The following FLNB variants were observed in gnomAD, a reference collection of about 807,000 sequenced individuals.
FLNB encodes the protein filamin B.
FLNB carries 111 observed loss-of-function variants against 250.6 expected under a neutral mutation model. That is an observed-to-expected ratio of 0.44 (90% CI 0.38 to 0.52). The LOEUF is 0.52. Ranked by LOEUF, FLNB falls within the 20% of genes least tolerant of loss-of-function variation. FLNB has a pLI of 0.00. For synonymous variants in FLNB, 1,302 were observed against 1,372.1 expected, an observed-to-expected ratio of 0.95 and a Z score of 1.13; for missense variants, 2,869 against 3,447.8, an observed-to-expected ratio of 0.83 and a Z score of 4.20.
intron 1 of FLNB, among the ~76,000 whole-genome samples, chr3:58,066,261 G>C (rs2097185580): frequency 7.2e-6 from 1 of 139,424 alleles, no homozygotes; most frequent in East Asian, 2.0e-4. Flanking sequence ...GTTGCCCAGT[G>C]GCAACAAGAG....
intron 38 of FLNB, among the ~76,000 whole-genome samples, chr3:58,152,293 C>A (rs1040191271): frequency 2.0e-5 from 3 of 152,188 alleles, no homozygotes; most frequent in African/African-American, 2.4e-5. Context: ...TTTTGCGGGG[C>A]ATCTTTGTCA....
In FLNB at chr3:58,170,866, C is replaced by A; in HGVS notation, c.*104C>A. 1 of 1,049,728 alleles carries A rather than the reference C, an allele frequency of 9.5e-7. No individual in the cohort carries two copies. The highest frequency in any genetic ancestry group is 1.4e-6 in the Non-Finnish European group (1 of 694,634). The allele number at this position is 1,049,728 out of a possible 1,614,324, so 65.0% of individuals were successfully genotyped here. On this transcript the variant is annotated 3_prime_UTR_variant, in exon 46 of 46. Coordinates refer to ENST00000295956, the MANE Select transcript of FLNB (RefSeq NM_001457.4). ...TCCAGCCTGTTTGTGGGGCTGAAAC[C>A]CCATCCCTAAAATATTGCTGTTGTA...
intron 37 of FLNB, 23 bp from the exon 38 acceptor site, chr3:58,150,082 A>T: frequency 6.2e-7 from 1 of 1,614,274 alleles, no homozygotes; most frequent in Non-Finnish European, 8.5e-7. Context: ...GCCTGCTCAC[A>T]GGAGCCTTCT....
intron 21 of FLNB, 65 bp downstream of exon 21, chr3:58,123,755 A>C: frequency 7.1e-7 from 1 of 1,414,124 alleles, no homozygotes; most frequent in Non-Finnish European, 9.7e-7. Context: ...GGCTACCTGA[A>C]ACTTGGAGCT....
intron 1 of FLNB, among the ~76,000 whole-genome samples, chr3:58,042,262 T>C (rs956580645): frequency 1.7e-4 from 26 of 152,096 alleles, no homozygotes; most frequent in African/African-American, 5.8e-4. Flanking sequence ...AAACTTTAGA[T>C]TTGCATTAGC....
chr3:58,119,882 C>A (rs189793852), intron 19 of FLNB, among the ~76,000 whole-genome samples: 1 of 152,336 alleles, frequency 6.6e-6, no homozygotes, highest in East Asian at 1.9e-4. Context: ...AGTTGCCCTG[C>A]TGTATAAACC....
At chr3:58,118,700 A>G (rs1236004585) in intron 18 of FLNB, among the ~76,000 whole-genome samples, 172 bp from the exon 19 acceptor site, 1 of 152,184 alleles carries the variant, frequency 6.6e-6, no homozygotes, top group Non-Finnish European at 1.5e-5. Flanking sequence ...TTTTTCTGTT[A>G]TTCTTGCCTT....
At chr3:58,009,701 G>T (rs2097095665) in intron 1 of FLNB, among the ~76,000 whole-genome samples, 1 of 152,172 alleles carries the variant, frequency 6.6e-6, no homozygotes, top group South Asian at 2.1e-4. Context: ...CCTGTCCAAG[G>T]TCAGCAAGTA....
At chr3:58,087,598 G>A (rs937626458) in intron 4 of FLNB, among the ~76,000 whole-genome samples, 17 of 147,238 alleles carry the variant, frequency 1.2e-4, no homozygotes, top group Admixed American at 5.4e-4. Flanking sequence ...GATTACAGGC[G>A]CCCACCACCA....
chr3:58,019,903 G>T (rs2097111183), intron 1 of FLNB, among the ~76,000 whole-genome samples: 1 of 152,198 alleles, frequency 6.6e-6, no homozygotes, highest in South Asian at 2.1e-4. Flanking sequence ...CGCAGGTGTG[G>T]ACAGTAGGGA....
chr3:58,014,648 G>C (rs2097103346), intron 1 of FLNB, among the ~76,000 whole-genome samples: 1 of 152,232 alleles, frequency 6.6e-6, no homozygotes, highest in African/African-American at 2.4e-5. Flanking sequence ...CTGCTCCTTA[G>C]GGGAGCAGAT....
intron 18 of FLNB, 30 bp from the exon 19 acceptor site, chr3:58,118,842 A>C (rs1248516166): frequency 1.3e-6 from 2 of 1,563,118 alleles, no homozygotes; most frequent in Non-Finnish European, 1.8e-6. Flanking sequence ...TGGTACCCAA[A>C]GGTAAACTGA....
At chr3:58,102,444 A>C (rs1163576731) in intron 9 of FLNB, 104 bp downstream of exon 9, 1 of 1,307,026 alleles carries the variant, frequency 7.7e-7, no homozygotes, top group Non-Finnish European at 1.1e-6. Flanking sequence ...ATAATCCCAG[A>C]AGGCTATGTC....
intron 1 of FLNB, among the ~76,000 whole-genome samples, chr3:58,030,103 G>C (rs2097128879): frequency 6.6e-6 from 1 of 152,158 alleles, no homozygotes; most frequent in African/African-American, 2.4e-5. Context: ...GAGATATCAG[G>C]TTTCAGCTTT....
chr3:58,150,129 G>T lies in FLNB; in HGVS notation c.6269G>T (p.Ser2090Ile), dbSNP rs754906623. 1.9e-6 allele frequency: 3 copies of T among 1,614,118 alleles called. No individual in the cohort carries two copies. Among genetic ancestry groups the T allele is most frequent in the East Asian group, 2.2e-5 (1 of 44,902 alleles). The change falls in exon 38 of 46, where the codon AGT becomes ATT. Residue 2090 changes from serine (S) to isoleucine (I), a missense_variant. Ser to Ile is a moderately radical substitution (Grantham distance 142, BLOSUM62 -2). Transcript: ENST00000295956. ...GGGAGCCCATTTACCGTGAAGATCA[G>T]TGGGGAGGGAAGAGTCAAAGAGAGC... is the stretch of plus-strand genomic sequence containing the variant. ...VPGSPFTVKI[S>I]GEGRVKESIT...
chr3:58,089,809 G>A (rs777593606), intron 4 of FLNB, among the ~76,000 whole-genome samples: 10 of 152,196 alleles, frequency 6.6e-5, no homozygotes, highest in Middle Eastern at 3.4e-3. Context: ...GTTCTGAGGT[G>A]GAGTTTTGCT....
chr3:58,107,874 G>A (rs1272528674), intron 12 of FLNB, among the ~76,000 whole-genome samples: 1 of 152,242 alleles, frequency 6.6e-6, no homozygotes, highest in Non-Finnish European at 1.5e-5. Flanking sequence ...GGCAAATGTT[G>A]TCCGTGGTAA....
chr3:58,059,789 G>A (rs997832160), intron 1 of FLNB, among the ~76,000 whole-genome samples: 2 of 152,174 alleles, frequency 1.3e-5, no homozygotes, highest in African/African-American at 4.8e-5. Flanking sequence ...TTAGGAGGAT[G>A]ATGTAACCCT....
intron 13 of FLNB, 74 bp from the exon 14 acceptor site, chr3:58,109,105 G>T (rs886222108): frequency 1.3e-6 from 2 of 1,593,276 alleles, no homozygotes; most frequent in Non-Finnish European, 1.7e-6. Flanking sequence ...GGCTGTCTTG[G>T]GAGGCCACAG....
Sources: gnomAD v4.1 joint callset for allele counts (sites outside exome capture counted in the v4.1 genomes callset) on GRCh38, gnomAD v4.1.1 for gene constraint, MANE v1.5 for transcripts, NCBI Gene and HGNC (gene_info 2026-07-23, HGNC 2026-07-21) for gene names.